Variants in BOD1L1 observed in about 807,000 individuals in gnomAD.
The protein encoded by BOD1L1 is biorientation of chromosomes in cell division 1 like 1.
In BOD1L1, 86 loss-of-function variants were observed where a neutral mutation model predicts 240.7. The observed-to-expected ratio is 0.36, with a 90% CI of 0.30 to 0.43. The LOEUF is 0.43. Among genes scored for constraint, BOD1L1 ranks in the 20% least tolerant of loss-of-function variants. The pLI is 1.00. For synonymous variants in BOD1L1, 1,268 were observed against 1,272.3 expected (o/e 1.00, Z 0.07); for missense variants, 3,554 against 3,643.5 (o/e 0.98, Z 0.63).
At chr4:13,586,744 G>A (rs908413613) in intron 16 of BOD1L1, among the ~76,000 whole-genome samples, 15 of 152,170 alleles carry the variant, frequency 9.9e-5, no homozygotes, top group African/African-American at 3.1e-4. Flanking sequence ...AGGGCTTAGC[G>A]TATAGTTTCC....
Position 13,602,988 on chromosome 4 carries a change from A to T in BOD1L1, c.3912T>A (p.Phe1304Leu), listed in dbSNP as rs1404915531. Residue 1304 changes from phenylalanine (F) to leucine (L), a missense_variant, in exon 10 of 26, where the codon TTT becomes TTA. Around this residue, in one of 2 missense-constraint regions of BOD1L1, gnomAD observed 3,393 missense variants for 3,427.1 expected, o/e 0.99. Coordinates refer to ENST00000040738, the MANE Select transcript of BOD1L1 (RefSeq NM_148894.3). ...TACCTTCCAAAACAGTTCTTTTGTC[A>T]AACAGAGGAATTACATCTGGATCAT... ...ESYDPDVIPLFDKRTVLEGST... is the reference protein window; with the variant it reads ...ESYDPDVIPLLDKRTVLEGST... 6.2e-7 allele frequency: 1 copy of T among 1,613,904 alleles called. No individual in the cohort carries two copies. Among genetic ancestry groups the T allele is most frequent in the Non-Finnish European group, 8.5e-7 (1 of 1,179,906 alleles).
Position 13,569,830 on chromosome 4 carries a change from T to C in BOD1L1, c.*181A>G. 2.5e-6 allele frequency: 1 copy of C among 394,046 alleles called. No homozygotes were observed. Among genetic ancestry groups the C allele is most frequent in the South Asian group, 1.1e-4 (1 of 9,454 alleles). The allele number at this position is 394,046 out of a possible 1,614,324, so 24.4% of individuals were successfully genotyped here. ...CTTTATCTGAAATAAATGTACATAA[T>C]ATCTTCTATGAACAATAGTTTATAA... is the stretch of plus-strand genomic sequence containing the variant. On this transcript the variant is annotated 3_prime_UTR_variant, in exon 26 of 26. Transcript: ENST00000040738.
rs773506722 is a variant in BOD1L1 at position 13,627,435 on chromosome 4, C to T, written c.153G>A (p.Pro51=). The part of the protein sequence containing the change: ...AGGAGAGAGD[P]QLVAMIVNHL... ...GGTTCACGATCATGGCCACGAGCTG[C>T]GGGTCCCCGGCGCCCGCACCCGCGC... Residue 51 remains proline (P), a synonymous_variant, in exon 1 of 26, where the codon CCG becomes CCA. Coordinates refer to ENST00000040738, the MANE Select transcript of BOD1L1 (RefSeq NM_148894.3). The T allele has an allele frequency of 2.3e-6, 3 of 1,314,450 alleles. No individual in the cohort carries two copies. Among genetic ancestry groups the T allele is most frequent in the Non-Finnish European group, 2.0e-6 (2 of 1,018,280 alleles). The allele number at this position is 1,314,450 out of a possible 1,614,324, so 81.4% of individuals were successfully genotyped here.
Position 13,587,775 on chromosome 4 carries a change from G to C in BOD1L1, c.8281-4C>G. On this transcript the variant is annotated splice_region_variant and splice_polypyrimidine_tract_variant and intron_variant, in intron 15 of 25. Transcript: ENST00000040738. Reference sequence around the variant, plus strand: ...TATGCCTTTCTTCCTCTTCAACCTGGAATTAAGAATGACTATATCAAAGGC... The same window carrying C: ...TATGCCTTTCTTCCTCTTCAACCTGCAATTAAGAATGACTATATCAAAGGC... 6.5e-7 allele frequency: 1 copy of C among 1,542,426 alleles called. No homozygotes were observed. The highest frequency in any genetic ancestry group is 1.2e-5 in the South Asian group (1 of 84,044).
Position 13,608,581 on chromosome 4 carries a change from T to C in BOD1L1, c.1691A>G (p.Lys564Arg). Reference sequence around the variant, plus strand: ...TAAGGCTACTTTTTTTTCTAAAACTTTCCGTTCTTTAAGGACTTCTTTAAT... The same window carrying C: ...TAAGGCTACTTTTTTTTCTAAAACTCTCCGTTCTTTAAGGACTTCTTTAAT... ...ARIKEVLKER[K>R]VLEKKVALSK... is the part of the protein sequence containing the mutation. Residue 564 changes from lysine to arginine, a missense_variant, in exon 8 of 26, where the codon AAA (lysine) becomes AGA (arginine). This residue lies in a region of BOD1L1 where 3,393 missense variants were observed against 3,427.1 expected (regional missense o/e 0.99). Transcript: ENST00000040738. 3 of 1,548,888 alleles carry C rather than the reference T, an allele frequency of 1.9e-6. No homozygotes were observed. Among genetic ancestry groups the C allele is most frequent in the Non-Finnish European group, 2.6e-6 (3 of 1,149,552 alleles).
At chr4:13,605,865 G>A (rs887190638) in intron 9 of BOD1L1, among the ~76,000 whole-genome samples, 1 of 152,052 alleles carries the variant, frequency 6.6e-6, no homozygotes, top group African/African-American at 2.4e-5. Flanking sequence ...ATATGTTTAT[G>A]TATTCAAAAA....
intron 10 of BOD1L1, 121 bp from the exon 11 acceptor site, chr4:13,597,289 T>C: frequency 2.9e-6 from 2 of 699,086 alleles, no homozygotes; most frequent in Non-Finnish European, 4.9e-6. Context: ...TCTGGTTTAT[T>C]TTGCTGTCAG....
At chr4:13,617,127 C>T (rs891264215) in intron 2 of BOD1L1, among the ~76,000 whole-genome samples, 1 of 151,864 alleles carries the variant, frequency 6.6e-6, no homozygotes, top group Non-Finnish European at 1.5e-5. Context: ...TGCCTGTAAT[C>T]CCAGCTACTT....
At position 13,587,699 on chromosome 4, in the gene BOD1L1, C is replaced by A; in HGVS notation, c.8353G>T (p.Asp2785Tyr). 6.5e-7 allele frequency: 1 copy of A among 1,543,318 alleles called. No homozygotes were observed. The highest frequency in any genetic ancestry group is 2.4e-5 in the East Asian group (1 of 42,092). Residue 2785 changes from aspartate (D) to tyrosine (Y), a missense_variant and splice_region_variant, in exon 16 of 26, where the codon GAT (aspartate) becomes TAT (tyrosine). Physicochemically the swap from Asp to Tyr is radical, Grantham distance 160. Transcript: ENST00000040738. ...QHYLSSEDEPDDNPDVLDSRI... is the reference protein window; with the variant it reads ...QHYLSSEDEPYDNPDVLDSRI... ...AAAACAGAAACATAAATATAAATAC[C>A]TGGTTCATCTTCTGAAGAGAGATAA...
chr4:13,584,197 AG>A (rs754145765), intron 17 of BOD1L1, among the ~76,000 whole-genome samples: 26 of 152,148 alleles, frequency 1.7e-4, no homozygotes, highest in Non-Finnish European at 2.9e-4. Flanking sequence ...CCAATTTGGG[AG>A]GGTGTTGATT....
chr4:13,614,703 C>T lies in BOD1L1; in HGVS notation c.667G>A (p.Glu223Lys). The T allele has an allele frequency of 6.2e-7, 1 of 1,613,894 alleles. No individual in the cohort carries two copies. The highest frequency in any genetic ancestry group is 8.5e-7 in the Non-Finnish European group (1 of 1,179,866). ...TCACTGGTCTTGGCATTTGATGTTT[C>T]TGTTGAAGCCCTAGCAGCACTGGCT... ...QEASAARAST[E>K]TSNAKTSERA... The change falls in exon 4 of 26, where the codon GAA (glutamate) becomes AAA (lysine). Residue 223 changes from glutamate to lysine, a missense_variant. Around this residue, in one of 2 missense-constraint regions of BOD1L1, gnomAD observed 3,393 missense variants for 3,427.1 expected, o/e 0.99. Coordinates refer to ENST00000040738, the MANE Select transcript of BOD1L1 (RefSeq NM_148894.3).
At chr4:13,609,229 TAA>T (rs527994946) in intron 7 of BOD1L1, 64 bp downstream of exon 7, 73 of 915,904 alleles carry the variant, frequency 8.0e-5, no homozygotes, top group East Asian at 6.7e-4. Context: ...ATAAGTAATA[TAA>T]GAGTACCCAG....
At position 13,569,454 on chromosome 4, in the gene BOD1L1, C is replaced by G. The variant is rs1577296785; in HGVS notation, c.*557G>C. 1 of 152,052 alleles carries G rather than the reference C, an allele frequency of 6.6e-6. No homozygotes were observed. 9.4% of individuals were successfully genotyped at this position (152,052 alleles called of 1,614,324 possible). On this transcript the variant is annotated 3_prime_UTR_variant, in exon 26 of 26. Coordinates refer to ENST00000040738, the MANE Select transcript of BOD1L1 (RefSeq NM_148894.3). ...CTGCCAGATCATATTAAGATAGTTA[C>G]AGAGCAGGCAGAGTCCTAAAAAATT...
Position 13,581,044 on chromosome 4 carries a change from G to A in BOD1L1, c.8679C>T (p.Ser2893=). 1 of 1,572,102 alleles carries A rather than the reference G, an allele frequency of 6.4e-7. No individual in the cohort carries two copies. The highest frequency in any genetic ancestry group is 1.4e-5 in the African/African-American group (1 of 74,064). ...VETTLKMKDD[S]KTDTGIVTVE... ...CAGTGACAATGCCAGTATCTGTTTT[G>A]GAGTCGTCTTCTAAAAAAAAAAAAT... The change falls in exon 21 of 26, where the codon TCC becomes TCT. Residue 2893 remains serine (S), a synonymous_variant. Transcript: ENST00000040738.
chr4:13,594,533 T>C (rs1248921405), intron 12 of BOD1L1, among the ~76,000 whole-genome samples: 1 of 152,136 alleles, frequency 6.6e-6, no homozygotes, highest in Non-Finnish European at 1.5e-5. Flanking sequence ...GACTCATGAG[T>C]GCTCAATGGA....
intron 2 of BOD1L1, among the ~76,000 whole-genome samples, chr4:13,617,706 A>T (rs767965151): frequency 7.2e-5 from 11 of 152,230 alleles, no homozygotes; most frequent in Admixed American, 1.3e-4. Flanking sequence ...ATTAAGTTGA[A>T]CCATCTGAAA....
chr4:13,603,425 A>G lies in BOD1L1; in HGVS notation c.3475T>C (p.Ser1159Pro), dbSNP rs763231659. The G allele has an allele frequency of 9.3e-6, 15 of 1,613,426 alleles. No individual in the cohort carries two copies. The highest frequency in any genetic ancestry group is 5.1e-6 in the Non-Finnish European group (6 of 1,179,810). Reference sequence around the variant, plus strand: ...AATTCATCCTTTTGAACAGTGGCAGAAGTTTTTTGTTTCATATTTTCAGAG... The same window carrying G: ...AATTCATCCTTTTGAACAGTGGCAGGAGTTTTTTGTTTCATATTTTCAGAG... ...IDSENMKQKT[S>P]ATVQKDELRT... The change falls in exon 10 of 26, where the codon TCT (serine) becomes CCT (proline). Residue 1159 changes from serine (S) to proline (P), a missense_variant. By Grantham distance (74) the Ser-to-Pro change is moderately conservative (BLOSUM62 -1). Transcript: ENST00000040738.
At chr4:13,571,532 T>C (rs868561448) in intron 25 of BOD1L1, among the ~76,000 whole-genome samples, 1 of 152,336 alleles carries the variant, frequency 6.6e-6, no homozygotes, top group Middle Eastern at 3.4e-3. Context: ...CCGTGCGCAG[T>C]ATTGTGCTGG....
Position 13,599,429 on chromosome 4 carries a change from C to A in BOD1L1, c.7471G>T (p.Ala2491Ser), listed in dbSNP as rs1264674893. ...GCATTCCCCTCTAAGCCCCTTCCTG[C>A]TGAATAACTTGCTGTGCTACTGCCC... ...AGGSSTASYS[A>S]GRGLEGNANS... Residue 2491 changes from alanine (A) to serine (S), a missense_variant, in exon 10 of 26, where the codon GCA becomes TCA. Physicochemically the swap from Ala to Ser is moderately conservative, Grantham distance 99. Transcript: ENST00000040738. 2 of 1,613,890 alleles carry A rather than the reference C, an allele frequency of 1.2e-6. No individual in the cohort carries two copies. The highest frequency in any genetic ancestry group is 2.7e-5 in the African/African-American group (2 of 74,932).
Sources: gnomAD v4.1 joint callset for allele counts (sites outside exome capture counted in the v4.1 genomes callset) on GRCh38, gnomAD v4.1.1 for gene constraint, gnomAD v4.1.1 regional missense constraint, MANE v1.5 for transcripts, NCBI Gene and HGNC (gene_info 2026-07-23, HGNC 2026-07-21) for gene names.